Variants in NCAM1 observed in about 807,000 individuals in gnomAD.
NCAM1 encodes neural cell adhesion molecule 1.
NCAM1 carries 14 observed loss-of-function variants against 109.8 expected under a neutral mutation model. That is an observed-to-expected ratio of 0.13 (90% CI 0.08 to 0.20). The LOEUF is 0.20. Among genes scored for constraint, NCAM1 ranks in the 10% least tolerant of loss-of-function variants. The probability of loss-of-function intolerance (pLI) is 1.00; values close to 1 mark genes in which losing one functional copy is unlikely to be tolerated. For missense variants in NCAM1, 774 were observed against 1,109.9 expected, an observed-to-expected ratio of 0.70 and a Z score of 4.30; for synonymous variants, 418 against 442.9, an observed-to-expected ratio of 0.94 and a Z score of 0.70.
At chr11:113,221,003 C>G (rs938530364) in intron 8 of NCAM1, among the ~76,000 whole-genome samples, 7 of 152,236 alleles carry the variant, frequency 4.6e-5, no homozygotes, top group South Asian at 2.1e-4. Context: ...TATTTTGGAA[C>G]AAGAGCAGTC....
intron 9 of NCAM1, among the ~76,000 whole-genome samples, chr11:113,230,946 A>G (rs1301649353): frequency 2.0e-5 from 3 of 152,194 alleles, no homozygotes; most frequent in Admixed American, 2.0e-4. Context: ...TGCTGTATCA[A>G]GGACTATAAA....
At chr11:113,007,462 A>C (rs1472332320) in intron 1 of NCAM1, among the ~76,000 whole-genome samples, 1 of 152,226 alleles carries the variant, frequency 6.6e-6, no homozygotes, top group African/African-American at 2.4e-5. Context: ...CACAGAATTT[A>C]AACCCCTAAG....
chr11:113,196,867 G>A (rs1317190663), intron 1 of NCAM1, among the ~76,000 whole-genome samples: 4 of 152,194 alleles, frequency 2.6e-5, no homozygotes, highest in African/African-American at 9.7e-5. Context: ...CAAGCCATCT[G>A]TATTAGTCTG....
chr11:113,007,425 G>T (rs782325709), intron 1 of NCAM1, among the ~76,000 whole-genome samples: 1 of 152,134 alleles, frequency 6.6e-6, no homozygotes, highest in Admixed American at 6.6e-5. Context: ...GAATAGATCT[G>T]CCCAAACAAA....
At chr11:113,219,863 AC>A (rs1555114948) in intron 8 of NCAM1, among the ~76,000 whole-genome samples, 1 of 152,194 alleles carries the variant, frequency 6.6e-6, no homozygotes, top group African/African-American at 2.4e-5. Flanking sequence ...GTGTTGGCCC[AC>A]CGTTACTTTG....
At chr11:113,045,617 AT>A (rs1425300320) in intron 1 of NCAM1, among the ~76,000 whole-genome samples, 2 of 152,230 alleles carry the variant, frequency 1.3e-5, no homozygotes, top group East Asian at 3.9e-4. Flanking sequence ...CTTAAATGCC[AT>A]TATGCATTAT....
intron 17 of NCAM1, among the ~76,000 whole-genome samples, chr11:113,268,180 T>G (rs1260034490): frequency 6.6e-6 from 1 of 152,208 alleles, no homozygotes. Flanking sequence ...CTTTGCTTTT[T>G]GGGTGGAATG....
intron 1 of NCAM1, among the ~76,000 whole-genome samples, chr11:113,159,110 A>G (rs1190046716): frequency 6.6e-6 from 1 of 152,212 alleles, no homozygotes; most frequent in Admixed American, 6.5e-5. Context: ...TCTAAATTAC[A>G]TACTGATGCC....
intron 1 of NCAM1, among the ~76,000 whole-genome samples, chr11:112,986,025 A>G (rs782265839): frequency 2.0e-5 from 3 of 151,930 alleles, no homozygotes; most frequent in Non-Finnish European, 4.4e-5. Flanking sequence ...TTTTAAGGTT[A>G]AGTATGGTGT....
intron 17 of NCAM1, 197 bp downstream of exon 17, chr11:113,260,520 T>A: frequency 1.8e-6 from 1 of 563,216 alleles, no homozygotes; most frequent in Non-Finnish European, 3.0e-6. Flanking sequence ...CAGGAAGGCT[T>A]GGCCAAGCAT....
At chr11:113,135,236 T>C (rs1941555025) in intron 1 of NCAM1, among the ~76,000 whole-genome samples, 1 of 152,146 alleles carries the variant, frequency 6.6e-6, no homozygotes, top group African/African-American at 2.4e-5. Context: ...AGAGTTGGGG[T>C]TCACCTTCAG....
chr11:113,270,039 T>G, intron 17 of NCAM1, 149 bp from the exon 18 acceptor site: 1 of 726,806 alleles, frequency 1.4e-6, no homozygotes, highest in East Asian at 2.5e-5. Context: ...TTCTGGGGCA[T>G]AGAAGGTCCC....
intron 1 of NCAM1, among the ~76,000 whole-genome samples, chr11:113,114,147 T>C (rs2135976624): frequency 6.6e-6 from 1 of 152,320 alleles, no homozygotes; most frequent in Middle Eastern, 3.4e-3. Context: ...TATTTGTCCT[T>C]AGGTGGACTC....
rs536991879 is a variant in NCAM1 at position 113,049,722 on chromosome 11, C to CAG, written c.52+88060_52+88061dup. On this transcript the variant is annotated intron_variant, in intron 1 of 19. Transcript: ENST00000316851. ...AACAGAAAAATAGCAGGGGCTCTAACAGAAGGCCCCCCAACCTTGTGCCAA... is the reference window on the plus strand; with the variant it reads ...AACAGAAAAATAGCAGGGGCTCTAACAGAGAAGGCCCCCCAACCTTGTGCCAA... Among the ~76,000 whole-genome samples the CAG allele has an allele frequency of 6.2e-4, 94 of 152,324 alleles. 1 individual carries two copies. Among genetic ancestry groups the CAG allele is most frequent in the Admixed American group, 3.5e-3 (54 of 15,300 alleles).
intron 1 of NCAM1, among the ~76,000 whole-genome samples, chr11:113,130,196 A>G (rs959566908): frequency 2.6e-5 from 4 of 152,220 alleles, no homozygotes; most frequent in African/African-American, 9.7e-5. Context: ...GGCTCTAGCT[A>G]TTGTTGGCAG....
At chr11:113,101,123 G>A (rs1054682139) in intron 1 of NCAM1, among the ~76,000 whole-genome samples, 3 of 152,104 alleles carry the variant, frequency 2.0e-5, no homozygotes, top group South Asian at 2.1e-4. Flanking sequence ...TCTTGGGAGA[G>A]TTAAGGAAGT....
At chr11:113,179,081 G>A (rs373140936) in intron 1 of NCAM1, among the ~76,000 whole-genome samples, 3 of 152,180 alleles carry the variant, frequency 2.0e-5, no homozygotes, top group African/African-American at 7.2e-5. Context: ...AAATTTCACG[G>A]TGGGAGGATT....
At chr11:113,113,333 G>A (rs782041977) in intron 1 of NCAM1, among the ~76,000 whole-genome samples, 11 of 152,098 alleles carry the variant, frequency 7.2e-5, no homozygotes, top group African/African-American at 1.2e-4. Context: ...AGTCCCTAGC[G>A]CCATAGACTG....
intron 1 of NCAM1, among the ~76,000 whole-genome samples, chr11:113,023,848 C>T (rs1251117401): frequency 6.6e-6 from 1 of 151,866 alleles, no homozygotes; most frequent in African/African-American, 2.4e-5. Flanking sequence ...ATAAACAGTA[C>T]ATTTCTCCCT....
Sources: allele counts gnomAD v4.1 joint callset (sites outside exome capture counted in the v4.1 genomes callset), GRCh38; gene constraint gnomAD v4.1.1; transcripts MANE v1.5; gene names NCBI Gene and HGNC (gene_info 2026-07-23, HGNC 2026-07-21).